ETV6: variants seen among roughly 807,000 people sequenced by gnomAD.
ETV6 encodes transcription factor ETV6.
In ETV6, 16 loss-of-function variants were observed where a neutral mutation model predicts 51.1. That is an observed-to-expected ratio of 0.31 (90% confidence interval 0.21 to 0.48). The LOEUF is 0.48. Ranked by LOEUF, ETV6 falls within the 20% of genes least tolerant of loss-of-function variation. The pLI is 0.99. For synonymous variants in ETV6, 240 were observed against 224.1 expected, an observed-to-expected ratio of 1.07 and a Z score of -0.64; for missense variants, 458 against 594.8, an observed-to-expected ratio of 0.77 and a Z score of 2.39.
chr12:11,772,514 A>C (rs576112346), intron 2 of ETV6, among the ~76,000 whole-genome samples: 1 of 152,320 alleles, frequency 6.6e-6, no homozygotes, highest in South Asian at 2.1e-4. Context: ...GTACATTTGA[A>C]GGAAACCAGT....
intron 2 of ETV6, among the ~76,000 whole-genome samples, chr12:11,765,460 CT>C (rs1337369626): frequency 3.1e-3 from 443 of 144,418 alleles, no homozygotes; most frequent in African/African-American, 5.9e-3. Context: ...CTTTTCACCA[CT>C]TTTTTTTTTT....
At chr12:11,689,817 C>T (rs1287224133) in intron 1 of ETV6, among the ~76,000 whole-genome samples, 5 of 103,338 alleles carry the variant, frequency 4.8e-5, no homozygotes, top group South Asian at 4.6e-4. Context: ...CCTCCCCCCC[C>T]CCCCCACCCC....
intron 1 of ETV6, among the ~76,000 whole-genome samples, chr12:11,722,755 T>C (rs1865413329): frequency 6.6e-6 from 1 of 152,206 alleles, no homozygotes; most frequent in Non-Finnish European, 1.5e-5. Flanking sequence ...CATTGCCAGG[T>C]GAGGCCAGAT....
intron 2 of ETV6, among the ~76,000 whole-genome samples, chr12:11,778,850 G>A (rs1301315524): frequency 2.6e-5 from 4 of 152,218 alleles, no homozygotes; most frequent in African/African-American, 9.6e-5. Flanking sequence ...TAGAGGATTA[G>A]ACACATTATT....
At chr12:11,664,678 G>A (rs1223986785) in intron 1 of ETV6, among the ~76,000 whole-genome samples, 2 of 152,136 alleles carry the variant, frequency 1.3e-5, no homozygotes, top group African/African-American at 4.8e-5. Context: ...GCTTCTTACT[G>A]CTACTGGAAT....
chr12:11,894,965 T>G lies in ETV6; in HGVS notation c.*3919T>G. On this transcript the variant is annotated 3_prime_UTR_variant, in exon 8 of 8. Coordinates refer to ENST00000396373, the MANE Select transcript of ETV6 (RefSeq NM_001987.5). ...GGCTGTTCACTCTCTCCTGCTCCTC[T>G]TCGGAGTAGAAATAAAGGCTGTGAC... The G allele has an allele frequency of 4.3e-6, 1 of 233,624 alleles. No individual in the cohort carries two copies. The highest frequency in any genetic ancestry group is 6.0e-5 in the East Asian group (1 of 16,586). 14.5% of individuals were successfully genotyped at this position (233,624 alleles called of 1,614,324 possible). A position where few individuals can be genotyped will look rare whatever the true frequency, so the allele number is the denominator to read the frequency against.
intron 1 of ETV6, among the ~76,000 whole-genome samples, chr12:11,710,293 G>C (rs566410738): frequency 4.6e-5 from 7 of 151,698 alleles, no homozygotes; most frequent in African/African-American, 1.7e-4. Flanking sequence ...ATGGTTTCCC[G>C]TACCTTCTCT....
intron 2 of ETV6, among the ~76,000 whole-genome samples, chr12:11,791,172 C>A (rs541597783): frequency 2.0e-5 from 3 of 152,118 alleles, no homozygotes; most frequent in Non-Finnish European, 4.4e-5. Flanking sequence ...AAATTACCAC[C>A]GGTTCTTCTG....
At chr12:11,878,838 A>AAC (rs558173199) in intron 5 of ETV6, among the ~76,000 whole-genome samples, 5,183 of 150,298 alleles carry the variant, frequency 0.034, 350 homozygotes, top group African/African-American at 0.12. Flanking sequence ...GAAAAAAAAA[A>AAC]AAAACAAGCA....
intron 1 of ETV6, among the ~76,000 whole-genome samples, chr12:11,665,569 C>G (rs1336551591): frequency 6.6e-6 from 1 of 152,198 alleles, no homozygotes; most frequent in Non-Finnish European, 1.5e-5. Flanking sequence ...CAGAGGACAG[C>G]CAATGGCTAT....
At chr12:11,666,951 C>T (rs112932997) in intron 1 of ETV6, among the ~76,000 whole-genome samples, 1 of 152,176 alleles carries the variant, frequency 6.6e-6, no homozygotes, top group Non-Finnish European at 1.5e-5. Context: ...GCTTTGCTCA[C>T]ATGGGCTCCT....
At chr12:11,781,747 G>A (rs897764735) in intron 2 of ETV6, among the ~76,000 whole-genome samples, 3 of 151,964 alleles carry the variant, frequency 2.0e-5, no homozygotes, top group Non-Finnish European at 2.9e-5. Flanking sequence ...ACCCTATTAC[G>A]TTTTATTTAA....
At chr12:11,841,390 G>A (rs1489946114) in intron 3 of ETV6, among the ~76,000 whole-genome samples, 1 of 152,216 alleles carries the variant, frequency 6.6e-6, no homozygotes, top group Non-Finnish European at 1.5e-5. Context: ...GGTGTCGGGA[G>A]AGAAGGAATG....
At chr12:11,826,023 T>TG (rs1946149221) in intron 2 of ETV6, among the ~76,000 whole-genome samples, 1 of 151,966 alleles carries the variant, frequency 6.6e-6, no homozygotes, top group African/African-American at 2.4e-5. Flanking sequence ...TTCAAGGAGA[T>TG]GGGGCTCTTG....
At chr12:11,888,402 T>TCTTTTTC (rs1212288656) in intron 7 of ETV6, among the ~76,000 whole-genome samples, 10 of 141,382 alleles carry the variant, frequency 7.1e-5, no homozygotes, top group African/African-American at 2.4e-4. Flanking sequence ...TCTTTTCTTT[T>TCTTTTTC]TTTTTTTTTT....
At chr12:11,750,920 G>A in intron 1 of ETV6, 1 of 465,090 alleles carries the variant, frequency 2.2e-6, no homozygotes, top group Non-Finnish European at 4.1e-6. Context: ...GAAAAGTGCA[G>A]TTGAAAGTTT....
chr12:11,655,879 G>A (rs1279331905), intron 1 of ETV6, among the ~76,000 whole-genome samples: 3 of 152,206 alleles, frequency 2.0e-5, no homozygotes, highest in East Asian at 1.9e-4. Context: ...TACAGGAAAC[G>A]GTAGAATGCT....
rs148479591 is a variant in ETV6, at chr12:11,766,808, C to T, written c.163+14229C>T. On this transcript the variant is annotated intron_variant, in intron 2 of 7. Transcript: ENST00000396373. ...GGAGAATGCAGCCATTTCCTCAGGC[C>T]GGCCTTTAAAATCTTGAAGGCAGTA... is the stretch of plus-strand genomic sequence containing the variant. Among the ~76,000 whole-genome samples the T allele has an allele frequency of 7.1e-3, 1,081 of 152,250 alleles. 6 individuals are homozygous for T. The highest frequency in any genetic ancestry group is 8.7e-3 in the Non-Finnish European group (593 of 68,040).
intron 1 of ETV6, among the ~76,000 whole-genome samples, chr12:11,674,240 G>A (rs1045882573): frequency 6.6e-6 from 1 of 152,084 alleles, no homozygotes; most frequent in African/African-American, 2.4e-5. Context: ...TAGGCCATGA[G>A]ACATAGCAAT....
Sources: allele counts gnomAD v4.1 joint callset (sites outside exome capture counted in the v4.1 genomes callset), GRCh38; gene constraint gnomAD v4.1.1; transcripts MANE v1.5; gene names NCBI Gene and HGNC (gene_info 2026-07-23, HGNC 2026-07-21).